SHOC1: variants seen among roughly 807,000 people sequenced by gnomAD.
The protein encoded by SHOC1 is protein shortage in chiasmata 1 ortholog.
Under a neutral mutation model 179.2 loss-of-function variants are expected in SHOC1, and 136 were observed. The ratio of observed to expected loss-of-function variants is 0.76; its 90% confidence interval spans 0.66 to 0.87. The LOEUF (loss-of-function observed/expected upper bound fraction) is 0.87, where lower values mean the gene tolerates loss of function less well. Ranked by LOEUF, SHOC1 falls within the 40% of genes least tolerant of loss-of-function variation. The pLI is 0.00. For missense variants in SHOC1, 1,538 were observed against 1,700.8 expected, an observed-to-expected ratio of 0.90 and a Z score of 1.68; for synonymous variants, 489 against 586.6, an observed-to-expected ratio of 0.83 and a Z score of 2.41.
At chr9:111,687,384 C>A (rs1203263037) in intron 27 of SHOC1, among the ~76,000 whole-genome samples, 1 of 152,168 alleles carries the variant, frequency 6.6e-6, no homozygotes, top group African/African-American at 2.4e-5. Flanking sequence ...TGCCTCTGTA[C>A]CTAATGGCCC....
At chr9:111,784,939 T>C (rs182269150) in intron 3 of SHOC1, among the ~76,000 whole-genome samples, 1 of 152,212 alleles carries the variant, frequency 6.6e-6, no homozygotes, top group East Asian at 1.9e-4. Flanking sequence ...AAATATAAAT[T>C]TGGGGGGACA....
At chr9:111,705,653 G>A (rs1373141417) in intron 20 of SHOC1, among the ~76,000 whole-genome samples, 1 of 151,560 alleles carries the variant, frequency 6.6e-6, no homozygotes, top group African/African-American at 2.4e-5. Flanking sequence ...ACTCACACAT[G>A]TACACTCACT....
In SHOC1 at chr9:111,708,234, G is replaced by A. The variant is rs184873448; in HGVS notation, c.2489-310C>T. Among the ~76,000 whole-genome samples, 72 of 149,876 alleles carry A rather than the reference G, an allele frequency of 4.8e-4. No homozygotes were observed. The East Asian group carries it at 5.6e-3, about 12-fold the overall frequency. On this transcript the variant is annotated intron_variant, in intron 18 of 27. Transcript: ENST00000682961. ...TTTATTTTTTTTGAGACAGAGTCTCGCTCTGTCGCCCAGGCTGGAGTTCTG... is the reference window on the plus strand; with the variant it reads ...TTTATTTTTTTTGAGACAGAGTCTCACTCTGTCGCCCAGGCTGGAGTTCTG...
rs1012297893 is a variant in SHOC1, at chr9:111,693,360, G to A, written c.3465+439C>T. 2.1e-5 allele frequency among the ~76,000 whole-genome samples: 3 copies of A among 145,830 alleles called. No homozygotes were observed. The East Asian group carries it at 6.2e-4, about 30-fold the overall frequency. On this transcript the variant is annotated intron_variant, in intron 26 of 27. Transcript: ENST00000682961. ...AGCACTTTGGGAGGCCAAGGTGGGT[G>A]GATCACCTGAGGTCAGGAGTTTGAG...
intron 3 of SHOC1, among the ~76,000 whole-genome samples, chr9:111,781,638 C>T (rs1312087373): frequency 1.3e-5 from 2 of 151,750 alleles, no homozygotes; most frequent in Non-Finnish European, 2.9e-5. Flanking sequence ...CAGGAGAATA[C>T]CTCGAACCTG....
intron 24 of SHOC1, among the ~76,000 whole-genome samples, chr9:111,695,466 CT>C (rs1831646502): frequency 6.6e-6 from 1 of 151,950 alleles, no homozygotes; most frequent in Non-Finnish European, 1.5e-5. Flanking sequence ...AGATATGACA[CT>C]TTCATTTAAA....
intron 5 of SHOC1, among the ~76,000 whole-genome samples, chr9:111,765,607 A>G (rs1463169188): frequency 6.7e-6 from 1 of 148,202 alleles, no homozygotes; most frequent in Non-Finnish European, 1.5e-5. Context: ...AAACAAAACA[A>G]AACAAAAACA....
At chr9:111,747,286 T>G (rs552470180) in intron 9 of SHOC1, among the ~76,000 whole-genome samples, 5 of 152,264 alleles carry the variant, frequency 3.3e-5, no homozygotes, top group Non-Finnish European at 7.4e-5. Context: ...ATCAATATAG[T>G]TAAGCAACAT....
At chr9:111,697,157 G>A (rs1264504814) in intron 24 of SHOC1, among the ~76,000 whole-genome samples, 1 of 151,094 alleles carries the variant, frequency 6.6e-6, no homozygotes, top group Non-Finnish European at 1.5e-5. Flanking sequence ...TGCATCCTGA[G>A]AGAGTAGGAT....
rs757146557 is a variant in SHOC1, at chr9:111,718,173, T to C, written c.2236+11A>G. ...AGGAAGAAAAGAGGAAATAAAATATTCCCCACCAACCCAATGCTGTGTCCA... is the reference window on the plus strand; with the variant it reads ...AGGAAGAAAAGAGGAAATAAAATATCCCCCACCAACCCAATGCTGTGTCCA... On this transcript the variant is annotated intron_variant, in intron 16 of 27. Coordinates refer to ENST00000682961, the MANE Select transcript of SHOC1 (RefSeq NM_001378211.1). The C allele has an allele frequency of 6.5e-7, 1 of 1,534,136 alleles. No individual in the cohort carries two copies. The highest frequency in any genetic ancestry group is 8.8e-7 in the Non-Finnish European group (1 of 1,138,186).
At chr9:111,698,580 G>C (rs2131332221) in intron 24 of SHOC1, among the ~76,000 whole-genome samples, 1 of 150,458 alleles carries the variant, frequency 6.6e-6, no homozygotes, top group East Asian at 1.9e-4. Flanking sequence ...GTACCATGCT[G>C]TTTTGGTTAC....
chr9:111,787,120 G>A (rs910254012), intron 2 of SHOC1, among the ~76,000 whole-genome samples: 14 of 152,174 alleles, frequency 9.2e-5, no homozygotes, highest in South Asian at 2.1e-4. Flanking sequence ...AAATATTACC[G>A]CTTGTTGATA....
At chr9:111,755,210 G>T (rs1834801994) in intron 8 of SHOC1, among the ~76,000 whole-genome samples, 1 of 152,102 alleles carries the variant, frequency 6.6e-6, no homozygotes, top group African/African-American at 2.4e-5. Flanking sequence ...GATTTACGGA[G>T]CTGAGATTTG....
intron 4 of SHOC1, among the ~76,000 whole-genome samples, chr9:111,777,516 T>A (rs1225301794): frequency 2.0e-5 from 3 of 152,232 alleles, no homozygotes; most frequent in Non-Finnish European, 4.4e-5. Flanking sequence ...ACTGTCATAA[T>A]TTCCTCAGTT....
In SHOC1 at chr9:111,693,801, T is replaced by C; in HGVS notation, c.3463A>G (p.Lys1155Glu). 1 of 1,604,358 alleles carries C rather than the reference T, an allele frequency of 6.2e-7. No homozygotes were observed. Among genetic ancestry groups the C allele is most frequent in the Non-Finnish European group, 8.5e-7 (1 of 1,174,050 alleles). ...AGTACAGATCTCAAATAACTAACCT[T>C]TAACACTTTTTCTGGGACTTCAGGT... Reference protein sequence around the residue: ...LLPEVPEKVLKHFCSITSLFK... With the variant: ...LLPEVPEKVLEHFCSITSLFK... The change falls in exon 26 of 28, where the codon AAG becomes GAG. Residue 1155 changes from lysine to glutamate, a missense_variant and splice_region_variant. Coordinates refer to ENST00000682961, the MANE Select transcript of SHOC1 (RefSeq NM_001378211.1).
chr9:111,748,905 T>C (rs1834430131), intron 8 of SHOC1, among the ~76,000 whole-genome samples: 1 of 146,868 alleles, frequency 6.8e-6, no homozygotes, highest in Admixed American at 6.8e-5. Flanking sequence ...CTTTCTTTCT[T>C]CCCTCCCTTC....
In SHOC1 at chr9:111,686,675, T is replaced by A. The variant is rs1831174720; in HGVS notation, c.*95A>T. On this transcript the variant is annotated 3_prime_UTR_variant, in exon 28 of 28. Coordinates refer to ENST00000682961, the MANE Select transcript of SHOC1 (RefSeq NM_001378211.1). ...ACTGAGACATATATGAACAATTGTG[T>A]TTTCTTTAGTGTATGAGCAAATCTA... The A allele has an allele frequency of 1.6e-5, 12 of 758,992 alleles. No homozygotes were observed. The Admixed American group carries it at 2.1e-4, about 14-fold the overall frequency. The allele number at this position is 758,992 out of a possible 1,614,324, so 47.0% of individuals were successfully genotyped here.
intron 8 of SHOC1, among the ~76,000 whole-genome samples, chr9:111,753,762 C>A (rs903501390): frequency 6.6e-6 from 1 of 152,094 alleles, no homozygotes; most frequent in African/African-American, 2.4e-5. Flanking sequence ...ATTCAAAACC[C>A]TTTCATGATA....
Position 111,713,191 on chromosome 9 carries a change from T to G in SHOC1, c.2416-19A>C, listed in dbSNP as rs1377213223. ...TCAGTACCTAGTCAAAAATAAAAAT[T>G]TCATATATATGTGGATGATTATTCT... is the stretch of plus-strand genomic sequence containing the variant. On this transcript the variant is annotated intron_variant, in intron 17 of 27. Coordinates refer to ENST00000682961, the MANE Select transcript of SHOC1 (RefSeq NM_001378211.1). The G allele has an allele frequency of 1.5e-6, 2 of 1,307,690 alleles. No individual in the cohort carries two copies. The allele number at this position is 1,307,690 out of a possible 1,614,324, so 81.0% of individuals were successfully genotyped here.
Sources: allele counts gnomAD v4.1 joint callset (sites outside exome capture counted in the v4.1 genomes callset), GRCh38; gene constraint gnomAD v4.1.1; transcripts MANE v1.5; gene names NCBI Gene and HGNC (gene_info 2026-07-23, HGNC 2026-07-21).